Variants in GRM7 observed in about 807,000 individuals in gnomAD.
GRM7 encodes metabotropic glutamate receptor 7.
Under a neutral mutation model 84.5 loss-of-function variants are expected in GRM7, and 35 were observed. The ratio of observed to expected loss-of-function variants is 0.41; its 90% CI spans 0.32 to 0.55. The LOEUF (loss-of-function observed/expected upper bound fraction) is 0.55, where lower values mean the gene tolerates loss of function less well. Among genes scored for constraint, GRM7 ranks in the 20% least tolerant of loss-of-function variants. The pLI, the probability that GRM7 is intolerant of heterozygous loss-of-function variation, is 0.19. For missense variants in GRM7, 1,003 were observed against 1,194.6 expected, an observed-to-expected ratio of 0.84 and a Z score of 2.36; for synonymous variants, 487 against 455.1, an observed-to-expected ratio of 1.07 and a Z score of -0.89.
chr3:7,614,129 G>A (rs1466528272), intron 8 of GRM7, among the ~76,000 whole-genome samples: 2 of 152,098 alleles, frequency 1.3e-5, no homozygotes, highest in East Asian at 3.9e-4. Context: ...GCCGGGCATG[G>A]TGGTGCGTAC....
chr3:6,874,978 T>C (rs1457438458), intron 1 of GRM7, among the ~76,000 whole-genome samples: 1 of 152,196 alleles, frequency 6.6e-6, no homozygotes, highest in East Asian at 1.9e-4. Flanking sequence ...TATTTAAAGT[T>C]AATTTATTTG....
At chr3:7,568,878 C>G (rs1056605258) in intron 7 of GRM7, among the ~76,000 whole-genome samples, 7 of 152,256 alleles carry the variant, frequency 4.6e-5, no homozygotes, top group East Asian at 3.9e-4. Flanking sequence ...GAGCGCCCCC[C>G]CTCCATGGGC....
At chr3:7,287,400 A>T (rs1285834528) in intron 2 of GRM7, among the ~76,000 whole-genome samples, 1 of 152,184 alleles carries the variant, frequency 6.6e-6, no homozygotes, top group Non-Finnish European at 1.5e-5. Context: ...ATACGCTTAG[A>T]AAACTCAATG....
At chr3:7,329,222 C>T (rs746168652) in intron 4 of GRM7, among the ~76,000 whole-genome samples, 2 of 152,158 alleles carry the variant, frequency 1.3e-5, no homozygotes, top group Non-Finnish European at 2.9e-5. Flanking sequence ...TACTTCACTA[C>T]TGCTTCCAGG....
intron 4 of GRM7, among the ~76,000 whole-genome samples, chr3:7,371,191 G>A (rs1218332490): frequency 6.6e-6 from 1 of 152,122 alleles, no homozygotes; most frequent in Non-Finnish European, 1.5e-5. Context: ...GACCACAATA[G>A]AGTGACGTAG....
chr3:7,337,274 G>A (rs1389297965), intron 4 of GRM7, among the ~76,000 whole-genome samples: 4 of 151,826 alleles, frequency 2.6e-5, no homozygotes, highest in Admixed American at 1.3e-4. Flanking sequence ...AAGATGAATC[G>A]AAGACTTAAA....
At chr3:7,177,220 C>A (rs1297241691) in intron 2 of GRM7, among the ~76,000 whole-genome samples, 3 of 152,128 alleles carry the variant, frequency 2.0e-5, no homozygotes, top group Non-Finnish European at 4.4e-5. Flanking sequence ...GCCTTTAAGG[C>A]TCTTAGAGGT....
intron 1 of GRM7, among the ~76,000 whole-genome samples, chr3:7,075,495 G>GGTGTGTGT (rs1559422641): frequency 1.0e-4 from 10 of 96,930 alleles, no homozygotes; most frequent in African/African-American, 3.6e-4. Context: ...TTGCTTCTCA[G>GGTGTGTGT]ATGTGTGTGT....
chr3:7,638,929 C>T (rs1698233170), intron 8 of GRM7, among the ~76,000 whole-genome samples: 1 of 152,214 alleles, frequency 6.6e-6, no homozygotes, highest in African/African-American at 2.4e-5. Flanking sequence ...CTCAGCTTTG[C>T]CAGCTGTTGA....
intron 2 of GRM7, among the ~76,000 whole-genome samples, chr3:7,228,097 C>T (rs1697040834): frequency 6.6e-6 from 1 of 152,084 alleles, no homozygotes; most frequent in Admixed American, 6.6e-5. Flanking sequence ...TTGCTGAGTC[C>T]ATAAATCTGG....
At chr3:7,291,115 CTT>C (rs1181950828) in intron 2 of GRM7, among the ~76,000 whole-genome samples, 2 of 151,706 alleles carry the variant, frequency 1.3e-5, no homozygotes, top group East Asian at 1.9e-4. Context: ...CCTTGGGACT[CTT>C]TAGCTTTGTA....
At chr3:7,324,765 C>T (rs9990258) in intron 4 of GRM7, among the ~76,000 whole-genome samples, 63,896 of 151,858 alleles carry the variant, frequency 0.42, 13,511 homozygotes, top group Middle Eastern at 0.5. Context: ...CTCAACCCTG[C>T]ATAGAGGGGC....
rs554780490 is a variant in GRM7 at position 7,568,722 on chromosome 3, G to A, written c.1516-9700G>A. 2.0e-5 allele frequency among the ~76,000 whole-genome samples: 3 copies of A among 152,306 alleles called. No individual in the cohort carries two copies. The East Asian group carries it at 5.8e-4, about 30-fold the overall frequency. ...GCCGGCCCTGCCGGCCCTGGGCAAT[G>A]AGGGGCTTAGCACCCGGGCCAGCGG... is the stretch of plus-strand genomic sequence containing the variant. On this transcript the variant is annotated intron_variant, in intron 7 of 9. Transcript: ENST00000357716.
chr3:6,950,160 T>C (rs1692678593), intron 1 of GRM7, among the ~76,000 whole-genome samples: 1 of 152,226 alleles, frequency 6.6e-6, no homozygotes, highest in Non-Finnish European at 1.5e-5. Context: ...GTTTTTCTGC[T>C]CTGTTTTTTC....
At chr3:7,508,023 A>T (rs1050009369) in intron 7 of GRM7, among the ~76,000 whole-genome samples, 1 of 152,192 alleles carries the variant, frequency 6.6e-6, no homozygotes, top group Non-Finnish European at 1.5e-5. Context: ...ATAATCTATA[A>T]TATTGTTTCT....
intron 7 of GRM7, among the ~76,000 whole-genome samples, chr3:7,546,334 G>A (rs182004830): frequency 3.3e-5 from 5 of 152,166 alleles, no homozygotes; most frequent in Non-Finnish European, 5.9e-5. Flanking sequence ...CTTCTGTTAC[G>A]GACACCTGAC....
intron 7 of GRM7, among the ~76,000 whole-genome samples, chr3:7,500,964 A>C (rs1699864891): frequency 6.6e-6 from 1 of 152,218 alleles, no homozygotes; most frequent in African/African-American, 2.4e-5. Flanking sequence ...AATCAGTCAA[A>C]CTGCAGATCT....
At chr3:7,632,936 T>C (rs886532965) in intron 8 of GRM7, among the ~76,000 whole-genome samples, 2 of 152,382 alleles carry the variant, frequency 1.3e-5, no homozygotes, top group African/African-American at 2.4e-5. Flanking sequence ...ATAGTGTTGA[T>C]AGCCAGTTTT....
chr3:7,076,238 A>T (rs1461532818), intron 1 of GRM7, among the ~76,000 whole-genome samples: 1 of 152,140 alleles, frequency 6.6e-6, no homozygotes, highest in African/African-American at 2.4e-5. Context: ...TTAAATAAAA[A>T]TAGTAGTTCC....
Sources: allele counts gnomAD v4.1 joint callset (sites outside exome capture counted in the v4.1 genomes callset), GRCh38; gene constraint gnomAD v4.1.1; transcripts MANE v1.5; gene names NCBI Gene and HGNC (gene_info 2026-07-23, HGNC 2026-07-21).